The following SFXN4 variants were observed in gnomAD, a reference collection of about 807,000 sequenced individuals.
SFXN4 encodes the protein sideroflexin 4, also known as sideroflexin-4.
In SFXN4, 48 loss-of-function variants were observed where a neutral mutation model predicts 54.6. That is an observed-to-expected ratio of 0.88 (90% CI 0.70 to 1.12). The LOEUF (loss-of-function observed/expected upper bound fraction) is 1.12, where lower values mean the gene tolerates loss of function less well. Ranked by LOEUF, SFXN4 falls within the 50% of genes most tolerant of loss-of-function variation. The probability of loss-of-function intolerance (pLI) is 0.00; values close to 1 mark genes in which losing one functional copy is unlikely to be tolerated. For missense variants in SFXN4, 383 were observed against 409.2 expected (o/e 0.94, Z 0.55); for synonymous variants, 130 against 145.5 (o/e 0.89, Z 0.77).
chr10:119,149,212 T>C (rs1449444549), intron 11 of SFXN4, among the ~76,000 whole-genome samples: 1 of 152,020 alleles, frequency 6.6e-6, no homozygotes, highest in African/African-American at 2.4e-5. Context: ...AAACAGCACA[T>C]CGTGTACCCA....
chr10:119,145,688 C>T (rs1846762882), intron 13 of SFXN4, among the ~76,000 whole-genome samples: 1 of 152,028 alleles, frequency 6.6e-6, no homozygotes, highest in Admixed American at 6.6e-5. Context: ...ATATGTGTTA[C>T]TTGACTTTTT....
intron 12 of SFXN4, 107 bp from the exon 13 acceptor site, chr10:119,146,460 T>TGTGTGTACC (rs141608372): frequency 5.3e-6 from 3 of 570,920 alleles, no homozygotes; most frequent in Non-Finnish European, 9.3e-6. Context: ...TGTGTGTGTG[T>TGTGTGTACC]GCACGTGTGT....
chr10:119,154,598 G>A (rs1330033890), intron 11 of SFXN4, among the ~76,000 whole-genome samples: 1 of 152,140 alleles, frequency 6.6e-6, no homozygotes, highest in Non-Finnish European at 1.5e-5. Context: ...TTGGGAGACC[G>A]AGGTGGGTGG....
At chr10:119,163,823 T>C (rs546525588) in intron 2 of SFXN4, among the ~76,000 whole-genome samples, 1 of 152,090 alleles carries the variant, frequency 6.6e-6, no homozygotes, top group African/African-American at 2.4e-5. Context: ...GGGCAGGGCC[T>C]GAGGTCGGGA....
At chr10:119,157,768 T>C in intron 8 of SFXN4, 35 bp from the exon 9 acceptor site, 1 of 1,604,300 alleles carries the variant, frequency 6.2e-7, no homozygotes. Flanking sequence ...TTAGCAAATA[T>C]CACAGTTTTA....
chr10:119,165,022 G>C (rs80206039), intron 1 of SFXN4, among the ~76,000 whole-genome samples: 1 of 2,188 alleles, frequency 4.6e-4, no homozygotes, highest in African/African-American at 7.8e-4. Flanking sequence ...AAAAATTTCA[G>C]CTGTTTTTAT....
At chr10:119,150,280 G>T (rs955255785) in intron 11 of SFXN4, among the ~76,000 whole-genome samples, 7 of 152,124 alleles carry the variant, frequency 4.6e-5, no homozygotes. Context: ...TTCCGCTGGA[G>T]GCTGGGGCTG....
At chr10:119,146,874 CCTT>C (rs1477027416) in intron 12 of SFXN4, among the ~76,000 whole-genome samples, 2 of 152,050 alleles carry the variant, frequency 1.3e-5, no homozygotes, top group Non-Finnish European at 2.9e-5. Context: ...TCCCATCCCT[CCTT>C]CTTGGAAATG....
intron 11 of SFXN4, among the ~76,000 whole-genome samples, chr10:119,154,834 GA>G (rs1416862784): frequency 6.6e-6 from 1 of 152,086 alleles, no homozygotes; most frequent in Non-Finnish European, 1.5e-5. Flanking sequence ...CCCTGTCTCA[GA>G]AAGAAAGATT....
chr10:119,164,383 A>G (rs1341537207), intron 1 of SFXN4, among the ~76,000 whole-genome samples, 187 bp from the exon 2 acceptor site: 1 of 150,476 alleles, frequency 6.6e-6, no homozygotes, highest in Non-Finnish European at 1.5e-5. Flanking sequence ...GCTGAGGCTT[A>G]GAGGGACTCC....
rs1232926793 is a variant in SFXN4 at position 119,157,939 on chromosome 10, G to C, written c.415-12C>G. 6.2e-7 allele frequency: 1 copy of C among 1,614,204 alleles called. No homozygotes were observed. Among genetic ancestry groups the C allele is most frequent in the Non-Finnish European group, 8.5e-7 (1 of 1,180,022 alleles). Reference sequence around the variant, plus strand: ...GCACAGAGGAAAACCTGCCGAGAGGGGCAAATGGATCGCATTTTCGTTTCA... The same window carrying C: ...GCACAGAGGAAAACCTGCCGAGAGGCGCAAATGGATCGCATTTTCGTTTCA... On this transcript the variant is annotated splice_polypyrimidine_tract_variant and intron_variant, in intron 7 of 13. Transcript: ENST00000355697.
At chr10:119,147,027 T>TC (rs1436555609) in intron 12 of SFXN4, among the ~76,000 whole-genome samples, 2 of 152,134 alleles carry the variant, frequency 1.3e-5, no homozygotes, top group African/African-American at 4.8e-5. Flanking sequence ...CATTCCTGCC[T>TC]CCCCTGGGGT....
chr10:119,160,745 GCCA>G (rs1405524204), intron 5 of SFXN4, among the ~76,000 whole-genome samples, 167 bp downstream of exon 5: 2 of 151,996 alleles, frequency 1.3e-5, no homozygotes, highest in Non-Finnish European at 2.9e-5. Context: ...ACAGGCACGT[GCCA>G]CCACAATGCC....
In SFXN4 at chr10:119,157,664, C is replaced by T; in HGVS notation, c.537+4G>A. 1.9e-6 allele frequency: 3 copies of T among 1,592,372 alleles called. No homozygotes were observed. The highest frequency in any genetic ancestry group is 2.6e-6 in the Non-Finnish European group (3 of 1,171,270). On this transcript the variant is annotated splice_donor_region_variant and intron_variant, in intron 9 of 13. Transcript: ENST00000355697. The stretch of plus-strand genomic sequence containing the variant: ...AAGATTTGACAGATTCTAAAAATAC[C>T]TACTCCTAAGAAAGTTGAAGAAGCA...
At chr10:119,154,037 G>A (rs1005594452) in intron 11 of SFXN4, among the ~76,000 whole-genome samples, 3 of 152,080 alleles carry the variant, frequency 2.0e-5, no homozygotes, top group Admixed American at 2.0e-4. Context: ...AATTGGCTGG[G>A]CGTGGTGGTA....
chr10:119,163,415 A>AG (rs1847636486), intron 2 of SFXN4, among the ~76,000 whole-genome samples: 1 of 151,976 alleles, frequency 6.6e-6, no homozygotes, highest in South Asian at 2.1e-4. Flanking sequence ...TGCTGGGGGA[A>AG]GGGGATGGAG....
At chr10:119,145,638 T>C (rs1846760333) in intron 13 of SFXN4, among the ~76,000 whole-genome samples, 1 of 151,982 alleles carries the variant, frequency 6.6e-6, no homozygotes, top group Non-Finnish European at 1.5e-5. Flanking sequence ...TTCTCTAGTT[T>C]ATTGTAGGAA....
intron 2 of SFXN4, among the ~76,000 whole-genome samples, chr10:119,163,275 G>T (rs1001026942): frequency 6.6e-6 from 1 of 151,554 alleles, no homozygotes; most frequent in Non-Finnish European, 1.5e-5. Context: ...TTGTCACCCA[G>T]GATGTGACCA....
rs554341702 is a variant in SFXN4, at chr10:119,153,621, T to C, written c.732+1441A>G. On this transcript the variant is annotated intron_variant, in intron 11 of 13. Transcript: ENST00000355697. ...GCTCTTTTAACCCCAGAAAGGGGTGTCCACTGACCTCTGTAAGTGCAGAGC... is the reference window on the plus strand; with the variant it reads ...GCTCTTTTAACCCCAGAAAGGGGTGCCCACTGACCTCTGTAAGTGCAGAGC... Among the ~76,000 whole-genome samples, 16 of 152,224 alleles carry C rather than the reference T, an allele frequency of 1.1e-4. No homozygotes were observed. The South Asian group carries it at 3.1e-3, about 30-fold the overall frequency.
Sources: allele counts gnomAD v4.1 joint callset (sites outside exome capture counted in the v4.1 genomes callset), GRCh38; gene constraint gnomAD v4.1.1; transcripts MANE v1.5; gene names NCBI Gene and HGNC (gene_info 2026-07-23, HGNC 2026-07-21).